The following DPF3 variants were observed in gnomAD, a reference collection of about 807,000 sequenced individuals.
The protein encoded by DPF3 is zinc finger protein DPF3.
In DPF3, 18 loss-of-function variants were observed where a neutral mutation model predicts 56.8. That is an observed-to-expected ratio of 0.32 (90% CI 0.22 to 0.47). DPF3 has a LOEUF of 0.47. Among genes scored for constraint, DPF3 ranks in the 20% least tolerant of loss-of-function variants. The pLI is 1.00. For missense variants in DPF3, 403 were observed against 488.8 expected, an observed-to-expected ratio of 0.82 and a Z score of 1.65; for synonymous variants, 188 against 180.2, an observed-to-expected ratio of 1.04 and a Z score of -0.35.
intron 6 of DPF3, 108 bp downstream of exon 6, chr14:72,714,314 GA>G (rs1888798683): frequency 7.3e-7 from 1 of 1,363,714 alleles, no homozygotes; most frequent in African/African-American, 1.4e-5. Context: ...AGAGGAAGAG[GA>G]GAGCACACAC....
rs377726037 is a variant in DPF3 at position 72,738,430 on chromosome 14, C to T, written c.302-6496G>A. 8.4e-4 allele frequency among the ~76,000 whole-genome samples: 128 copies of T among 152,158 alleles called. 1 individual carries two copies. In the South Asian group the frequency reaches 0.014, roughly 17 times the overall value. On this transcript the variant is annotated intron_variant, in intron 3 of 10. Transcript: ENST00000556509. Reference sequence around the variant, plus strand: ...CTACCCTCTCACCCCTAAGTAGACACGCCAGGATGGGTTACGGCATCCAGA... The same window carrying T: ...CTACCCTCTCACCCCTAAGTAGACATGCCAGGATGGGTTACGGCATCCAGA...
intron 1 of DPF3, among the ~76,000 whole-genome samples, chr14:72,860,272 T>A (rs1215132404): frequency 6.6e-6 from 1 of 152,222 alleles, no homozygotes; most frequent in Non-Finnish European, 1.5e-5. Context: ...AATGTCCACC[T>A]CCCAGGCTCA....
chr14:72,737,868 A>G (rs1285919312), intron 3 of DPF3, among the ~76,000 whole-genome samples: 1 of 152,172 alleles, frequency 6.6e-6, no homozygotes, highest in Admixed American at 6.5e-5. Flanking sequence ...ACAATGGCAA[A>G]GAATCCTCCT....
chr14:72,824,615 T>C (rs2140040304), intron 1 of DPF3, among the ~76,000 whole-genome samples: 1 of 151,436 alleles, frequency 6.6e-6, no homozygotes, highest in East Asian at 1.9e-4. Context: ...TCGCCCAGGC[T>C]GGAGTGTAAT....
intron 2 of DPF3, among the ~76,000 whole-genome samples, chr14:72,767,693 G>C (rs1891343228): frequency 6.8e-6 from 1 of 146,032 alleles, no homozygotes; most frequent in Non-Finnish European, 1.5e-5. Flanking sequence ...CCGAGAAGGA[G>C]AGGGGAAAGA....
intron 1 of DPF3, among the ~76,000 whole-genome samples, chr14:72,776,461 C>G (rs898731472): frequency 1.3e-5 from 2 of 152,100 alleles, no homozygotes; most frequent in Non-Finnish European, 2.9e-5. Flanking sequence ...CTGAGTGTTT[C>G]TACATGAGAT....
intron 2 of DPF3, among the ~76,000 whole-genome samples, chr14:72,758,329 T>C (rs1037795436): frequency 3.3e-5 from 5 of 152,146 alleles, no homozygotes; most frequent in Non-Finnish European, 7.4e-5. Context: ...AGCCCTGTGA[T>C]TGCCCCAGCT....
chr14:72,694,861 C>T (rs1432185567), intron 6 of DPF3, among the ~76,000 whole-genome samples: 2 of 152,094 alleles, frequency 1.3e-5, no homozygotes, highest in East Asian at 3.8e-4. Context: ...TATCAACTAC[C>T]CTTTCAGCAT....
At chr14:72,784,843 G>T (rs2139970898) in intron 1 of DPF3, among the ~76,000 whole-genome samples, 1 of 152,228 alleles carries the variant, frequency 6.6e-6, no homozygotes, top group East Asian at 1.9e-4. Context: ...TGTAGTTCCA[G>T]CTACTTAGGA....
At chr14:72,702,824 G>A (rs1417412227) in intron 6 of DPF3, among the ~76,000 whole-genome samples, 1 of 152,148 alleles carries the variant, frequency 6.6e-6, no homozygotes, top group Non-Finnish European at 1.5e-5. Flanking sequence ...CACTTCAACT[G>A]GCCAGGCTTT....
chr14:72,754,490 T>C (rs1368001792), intron 2 of DPF3, among the ~76,000 whole-genome samples: 2 of 152,186 alleles, frequency 1.3e-5, no homozygotes, highest in African/African-American at 4.8e-5. Flanking sequence ...AATGAATGAA[T>C]ATATTGCAGC....
At chr14:72,726,916 C>T (rs1276252569) in intron 4 of DPF3, among the ~76,000 whole-genome samples, 1 of 152,208 alleles carries the variant, frequency 6.6e-6, no homozygotes, top group East Asian at 1.9e-4. Flanking sequence ...CTCCTGATTT[C>T]CCTCCTTCCA....
intron 1 of DPF3, among the ~76,000 whole-genome samples, chr14:72,800,339 A>G (rs868696570): frequency 1.3e-5 from 2 of 152,320 alleles, no homozygotes; most frequent in Non-Finnish European, 2.9e-5. Context: ...CTTTAAATAC[A>G]TAAGTTTACC....
chr14:72,654,467 G>A (rs1886010418), intron 8 of DPF3, among the ~76,000 whole-genome samples: 1 of 152,110 alleles, frequency 6.6e-6, no homozygotes, highest in Admixed American at 6.5e-5. Context: ...TGAATAATAT[G>A]CTAACCACCT....
chr14:72,753,721 G>A (rs1012589042), intron 2 of DPF3, among the ~76,000 whole-genome samples: 2 of 152,134 alleles, frequency 1.3e-5, no homozygotes, highest in Admixed American at 1.3e-4. Flanking sequence ...TCTATCCACT[G>A]CCCCTCTATC....
At chr14:72,678,329 T>C (rs1227625815) in intron 7 of DPF3, among the ~76,000 whole-genome samples, 1 of 152,212 alleles carries the variant, frequency 6.6e-6, no homozygotes, top group African/African-American at 2.4e-5. Flanking sequence ...TCGCCCAATA[T>C]GATATTTACG....
At position 72,864,672 on chromosome 14, in the gene DPF3, G is replaced by A. The variant is rs568386089; in HGVS notation, c.32+29385C>T. ...CCCAGGTTGGCACTCAGTAATTAGC[G>A]GATGGATGGATGGATGGATGGATGG... On this transcript the variant is annotated intron_variant, in intron 1 of 10. Coordinates refer to ENST00000556509, the MANE Select transcript of DPF3 (RefSeq NM_001280542.3). 1.0e-3 allele frequency among the ~76,000 whole-genome samples: 94 copies of A among 93,478 alleles called. No homozygotes were observed. In the South Asian group the frequency reaches 0.023, roughly 23 times the overall value. The allele number at this position is 93,478 out of a possible 152,430, so 61.3% of individuals were successfully genotyped here.
intron 1 of DPF3, among the ~76,000 whole-genome samples, chr14:72,839,537 G>A (rs890829328): frequency 8.5e-5 from 13 of 152,170 alleles, no homozygotes; most frequent in Non-Finnish European, 1.3e-4. Flanking sequence ...AGGGACTGGC[G>A]AAATGACGCA....
intron 1 of DPF3, among the ~76,000 whole-genome samples, chr14:72,814,072 A>G (rs771243155): frequency 6.6e-6 from 1 of 152,088 alleles, no homozygotes; most frequent in Non-Finnish European, 1.5e-5. Flanking sequence ...CTTGTTTAGC[A>G]GGGCCACTTT....
Sources: gnomAD v4.1 joint callset for allele counts (sites outside exome capture counted in the v4.1 genomes callset) on GRCh38, gnomAD v4.1.1 for gene constraint, MANE v1.5 for transcripts, NCBI Gene and HGNC (gene_info 2026-07-23, HGNC 2026-07-21) for gene names.